IL1RAPL2: variants seen among roughly 807,000 people sequenced by gnomAD.
IL1RAPL2 encodes X-linked interleukin-1 receptor accessory protein-like 2.
IL1RAPL2 carries 3 observed loss-of-function variants against 44.1 expected under a neutral mutation model. That is an observed-to-expected ratio of 0.07 (90% CI 0.03 to 0.18). IL1RAPL2 has a LOEUF of 0.18. Ranked by LOEUF, IL1RAPL2 falls within the 10% of genes least tolerant of loss-of-function variation. IL1RAPL2 has a pLI of 1.00. For synonymous variants in IL1RAPL2, 181 were observed against 178.8 expected (o/e 1.01, Z -0.10); for missense variants, 391 against 496.4 (o/e 0.79, Z 2.02).
intron 2 of IL1RAPL2, among the ~76,000 whole-genome samples, chrX:104,828,824 G>A (rs905904124): frequency 1.8e-5 from 2 of 112,816 alleles, no homozygotes; most frequent in African/African-American, 6.4e-5. Flanking sequence ...GAGATGCCCT[G>A]CCCAGAGAGG....
intron 2 of IL1RAPL2, among the ~76,000 whole-genome samples, chrX:104,782,463 C>T (rs1932779694): frequency 9.0e-6 from 1 of 111,595 alleles, no homozygotes; most frequent in Non-Finnish European, 1.9e-5. Flanking sequence ...TGCTAATATT[C>T]ACTTAGTTTT....
At chrX:105,340,272 C>T (rs952426614) in intron 5 of IL1RAPL2, among the ~76,000 whole-genome samples, 3 of 111,273 alleles carry the variant, frequency 2.7e-5, no homozygotes, top group Non-Finnish European at 5.7e-5. Flanking sequence ...TCTTTTCTCC[C>T]ACAGCACAAC....
In IL1RAPL2 at chrX:104,798,314, T is replaced by C. The variant is rs982544841; in HGVS notation, c.82+139319T>C. 3.6e-5 allele frequency among the ~76,000 whole-genome samples: 4 copies of C among 109,937 alleles called. No homozygotes were observed. In the Admixed American group the frequency reaches 3.9e-4, roughly 11 times the overall value. ...AGGTATCAGCAACCTAGAGAACAGC[T>C]GGTTCAATTTAAAGTGCCCTAAGGA... On this transcript the variant is annotated intron_variant, in intron 2 of 10. Transcript: ENST00000372582.
chrX:105,043,748 G>T (rs1246993920), intron 2 of IL1RAPL2, among the ~76,000 whole-genome samples: 2 of 110,746 alleles, frequency 1.8e-5, no homozygotes, highest in African/African-American at 6.6e-5. Context: ...GTTGAAGGGA[G>T]GCAATGGTCA....
At chrX:105,017,733 C>T (rs1296910631) in intron 2 of IL1RAPL2, among the ~76,000 whole-genome samples, 6 of 110,530 alleles carry the variant, frequency 5.4e-5, no homozygotes, top group Non-Finnish European at 1.1e-4. Flanking sequence ...CAAAATAGAA[C>T]TAGTAGGTGA....
At chrX:105,577,548 T>C (rs373612385) in intron 6 of IL1RAPL2, among the ~76,000 whole-genome samples, 14 of 110,748 alleles carry the variant, frequency 1.3e-4, no homozygotes, top group African/African-American at 3.6e-4. Context: ...TGTGATTAAT[T>C]TGATTGATAG....
chrX:105,471,720 G>C (rs2036167182), intron 5 of IL1RAPL2, among the ~76,000 whole-genome samples: 1 of 111,184 alleles, frequency 9.0e-6, no homozygotes, highest in Non-Finnish European at 1.9e-5. Context: ...GGTCAGACAA[G>C]TAACTAGCCT....
Position 104,935,624 on chromosome X carries a change from T to C in IL1RAPL2, c.83-259851T>C, listed in dbSNP as rs770892682. Among the ~76,000 whole-genome samples the C allele has an allele frequency of 4.3e-3, 487 of 112,232 alleles. 2 individuals carry two copies. The highest frequency in any genetic ancestry group is 0.015 in the African/African-American group (460 of 30,967). ...GGCTTTCCTTCAAACATGTGAAAATTAACATATCATCTGCTTTATCCATAA... is the reference window on the plus strand; with the variant it reads ...GGCTTTCCTTCAAACATGTGAAAATCAACATATCATCTGCTTTATCCATAA... On this transcript the variant is annotated intron_variant, in intron 2 of 10. Transcript: ENST00000372582.
chrX:105,086,622 G>A (rs2032482622), intron 2 of IL1RAPL2, among the ~76,000 whole-genome samples: 1 of 110,088 alleles, frequency 9.1e-6, no homozygotes, highest in South Asian at 3.9e-4. Flanking sequence ...AATTTCAAAT[G>A]TTCTTACCAC....
chrX:105,041,881 G>A (rs141661687), intron 2 of IL1RAPL2, among the ~76,000 whole-genome samples: 7,240 of 110,536 alleles, frequency 0.065, 681 homozygotes, highest in African/African-American at 0.23. Flanking sequence ...AAACAGAGAT[G>A]TAGATCAATG....
intron 2 of IL1RAPL2, among the ~76,000 whole-genome samples, chrX:104,930,539 T>TA (rs1375301884): frequency 8.9e-6 from 1 of 112,144 alleles, no homozygotes; most frequent in Non-Finnish European, 1.9e-5. Flanking sequence ...TAGGTTGTAT[T>TA]ATTATCTCTG....
At chrX:105,468,819 T>A (rs1204555952) in intron 5 of IL1RAPL2, among the ~76,000 whole-genome samples, 1 of 112,067 alleles carries the variant, frequency 8.9e-6, no homozygotes, top group East Asian at 2.8e-4. Context: ...ATATAAATGA[T>A]ATTTATCACA....
At chrX:105,105,979 C>G (rs1218026275) in intron 2 of IL1RAPL2, among the ~76,000 whole-genome samples, 1 of 111,259 alleles carries the variant, frequency 9.0e-6, no homozygotes, top group Non-Finnish European at 1.9e-5. Flanking sequence ...AGACTGAAAA[C>G]AAAAGCACAC....
At chrX:105,063,474 C>T (rs2032099713) in intron 2 of IL1RAPL2, among the ~76,000 whole-genome samples, 1 of 111,770 alleles carries the variant, frequency 8.9e-6, no homozygotes, top group Non-Finnish European at 1.9e-5. Flanking sequence ...TGCTTGTGCT[C>T]ACATAATGAC....
intron 2 of IL1RAPL2, among the ~76,000 whole-genome samples, chrX:104,908,891 G>A (rs1439314280): frequency 9.0e-6 from 1 of 111,140 alleles, no homozygotes; most frequent in African/African-American, 3.3e-5. Context: ...ATGTTGGCCT[G>A]CCTTGCTAGA....
chrX:104,717,054 A>T (rs752667709), intron 2 of IL1RAPL2, among the ~76,000 whole-genome samples: 13 of 112,356 alleles, frequency 1.2e-4, no homozygotes, highest in Admixed American at 1.9e-4. Flanking sequence ...GGATAAAGAA[A>T]ATGTGGTACA....
chrX:105,581,318 G>A (rs1243427550), intron 6 of IL1RAPL2, among the ~76,000 whole-genome samples: 1 of 111,595 alleles, frequency 9.0e-6, no homozygotes, highest in Non-Finnish European at 1.9e-5. Context: ...CAATAATGAA[G>A]AAGAAATTAA....
intron 2 of IL1RAPL2, among the ~76,000 whole-genome samples, chrX:104,781,056 TTTAC>T (rs1258985541): frequency 1.1e-5 from 1 of 94,237 alleles, no homozygotes; most frequent in Non-Finnish European, 2.2e-5. Context: ...AGCTTTCTAC[TTTAC>T]TTAGTTTTAT....
chrX:105,396,354 G>T (rs190621411), intron 5 of IL1RAPL2, among the ~76,000 whole-genome samples: 4 of 105,801 alleles, frequency 3.8e-5, no homozygotes, highest in Non-Finnish European at 5.8e-5. Flanking sequence ...ATGACTTTAC[G>T]GTAATCAGGT....
Sources: gnomAD v4.1 joint callset for allele counts (sites outside exome capture counted in the v4.1 genomes callset) on GRCh38, gnomAD v4.1.1 for gene constraint, MANE v1.5 for transcripts, NCBI Gene and HGNC (gene_info 2026-07-23, HGNC 2026-07-21) for gene names.